The following CELF4 variants were observed in gnomAD, a reference collection of about 807,000 sequenced individuals.
The protein encoded by CELF4 is CUGBP Elav-like family member 4, also known as CUG-BP- and ETR-3-like factor 4.
A neutral mutation model predicts 59.9 loss-of-function variants in CELF4; 18 were observed. The ratio of observed to expected loss-of-function variants is 0.30; its 90% CI spans 0.21 to 0.45. The LOEUF is 0.45. Among genes scored for constraint, CELF4 ranks in the 20% least tolerant of loss-of-function variants. CELF4 has a pLI of 1.00. For missense variants in CELF4, 456 were observed against 689.0 expected (o/e 0.66, Z 3.79); for synonymous variants, 261 against 267.1 (o/e 0.98, Z 0.22).
At position 37,275,110 on chromosome 18, in the gene CELF4, C is replaced by T; in HGVS notation, c.577+5G>A. 1 of 1,612,612 alleles carries T rather than the reference C, an allele frequency of 6.2e-7. No individual in the cohort carries two copies. The highest frequency in any genetic ancestry group is 8.5e-7 in the Non-Finnish European group (1 of 1,179,556). Reference sequence around the variant, plus strand: ...GGGCATCCCTCCCGGCCCCGCCCCGCGCACCCTTGCTGTTGCCGTCGGGCC... The same window carrying T: ...GGGCATCCCTCCCGGCCCCGCCCCGTGCACCCTTGCTGTTGCCGTCGGGCC... On this transcript the variant is annotated splice_donor_5th_base_variant and intron_variant, in intron 4 of 12. Coordinates refer to ENST00000420428, the MANE Select transcript of CELF4 (RefSeq NM_020180.4).
chr18:37,546,183 T>A (rs2099981369), intron 1 of CELF4, among the ~76,000 whole-genome samples: 1 of 152,110 alleles, frequency 6.6e-6, no homozygotes, highest in South Asian at 2.1e-4. Flanking sequence ...GTACACACAA[T>A]CTGTCACTAA....
chr18:37,394,132 C>T (rs1464923255), intron 2 of CELF4, among the ~76,000 whole-genome samples: 2 of 152,088 alleles, frequency 1.3e-5, no homozygotes, highest in Non-Finnish European at 2.9e-5. Flanking sequence ...ACCGGCCCGA[C>T]GGGGGCGGGG....
At chr18:37,283,098 G>A (rs546433717) in intron 3 of CELF4, among the ~76,000 whole-genome samples, 6 of 152,102 alleles carry the variant, frequency 3.9e-5, no homozygotes, top group South Asian at 4.2e-4. Flanking sequence ...GGCTTCCTCC[G>A]GTCCTGGTGC....
chr18:37,400,166 T>C (rs2099308934), intron 2 of CELF4, among the ~76,000 whole-genome samples: 1 of 152,228 alleles, frequency 6.6e-6, no homozygotes, highest in Non-Finnish European at 1.5e-5. Flanking sequence ...TGAGGTTTCT[T>C]TGAGGAAGAA....
chr18:37,428,986 G>A (rs2099631585), intron 2 of CELF4, among the ~76,000 whole-genome samples: 1 of 152,202 alleles, frequency 6.6e-6, no homozygotes, highest in African/African-American at 2.4e-5. Flanking sequence ...CTAGAGTGGT[G>A]GTTCCCAATA....
In CELF4 at chr18:37,266,270, G is replaced by T. The variant is rs1220325183; in HGVS notation, c.1165+263C>A. ...AAGGGAAATCTGGCCTCAAAGACAG[G>T]TAACTGCCCAGCAAGGGTGAAACTT... On this transcript the variant is annotated intron_variant, in intron 9 of 12. Transcript: ENST00000420428. The T allele has an allele frequency of 5.2e-6, 3 of 576,996 alleles. No individual in the cohort carries two copies. The African/African-American group carries it at 5.6e-5, about 11-fold the overall frequency. The allele number at this position is 576,996 out of a possible 1,614,324, so 35.7% of individuals were successfully genotyped here. A position where few individuals can be genotyped will look rare whatever the true frequency, so the allele number is the denominator to read the frequency against.
At chr18:37,369,101 T>TG (rs2098826154) in intron 2 of CELF4, among the ~76,000 whole-genome samples, 1 of 152,174 alleles carries the variant, frequency 6.6e-6, no homozygotes, top group South Asian at 2.1e-4. Context: ...CCCAGGGAGA[T>TG]GGAAACCTCC....
intron 2 of CELF4, among the ~76,000 whole-genome samples, chr18:37,408,498 G>GC (rs57017369): frequency 5.4e-4 from 28 of 52,046 alleles, no homozygotes; most frequent in East Asian, 1.7e-3. Flanking sequence ...GTGCCGGGGG[G>GC]GGGCGCGGTG....
intron 7 of CELF4, among the ~76,000 whole-genome samples, chr18:37,272,572 G>GATA (rs1248401139): frequency 9.5e-6 from 1 of 104,950 alleles, no homozygotes; most frequent in African/African-American, 3.5e-5. Context: ...AAAGGGAAAT[G>GATA]AAAAAAAAAA....
At chr18:37,444,581 G>T (rs1275079093) in intron 2 of CELF4, among the ~76,000 whole-genome samples, 4 of 147,936 alleles carry the variant, frequency 2.7e-5, no homozygotes, top group Non-Finnish European at 6.0e-5. Context: ...CCTTCTCCAA[G>T]AGAAACATGC....
At chr18:37,322,586 A>T (rs2097161471) in intron 2 of CELF4, among the ~76,000 whole-genome samples, 1 of 151,774 alleles carries the variant, frequency 6.6e-6, no homozygotes, top group Admixed American at 6.6e-5. Flanking sequence ...CCTCTCGGGG[A>T]TCTGTGTCAA....
chr18:37,286,514 A>G (rs2094792899), intron 3 of CELF4, among the ~76,000 whole-genome samples: 1 of 152,146 alleles, frequency 6.6e-6, no homozygotes, highest in Non-Finnish European at 1.5e-5. Context: ...CCAGAGACAC[A>G]GTGAAAAACT....
At chr18:37,482,168 T>G (rs992726453) in intron 2 of CELF4, among the ~76,000 whole-genome samples, 50 of 152,208 alleles carry the variant, frequency 3.3e-4, no homozygotes, top group African/African-American at 1.2e-3. Context: ...GGGAGGTGGA[T>G]GTGTTTTTCT....
chr18:37,448,640 C>G (rs528243526), intron 2 of CELF4, among the ~76,000 whole-genome samples: 149 of 152,344 alleles, frequency 9.8e-4, no homozygotes, highest in African/African-American at 3.5e-3. Context: ...CGGGAACTGC[C>G]GTGAGCTGCT....
intron 1 of CELF4, among the ~76,000 whole-genome samples, chr18:37,565,020 C>G (rs1169668747): frequency 6.6e-6 from 1 of 151,968 alleles, no homozygotes; most frequent in Non-Finnish European, 1.5e-5. Context: ...CTGGGCTCGA[C>G]CGGTGCAGCC....
At chr18:37,260,581 G>A (rs765038301) in intron 10 of CELF4, among the ~76,000 whole-genome samples, 25 of 152,160 alleles carry the variant, frequency 1.6e-4, no homozygotes, top group Non-Finnish European at 2.9e-4. Flanking sequence ...TGGCTTTCAC[G>A]CCAGAGCCAA....
intron 2 of CELF4, among the ~76,000 whole-genome samples, chr18:37,388,698 C>T (rs963221323): frequency 6.6e-6 from 1 of 152,130 alleles, no homozygotes; most frequent in African/African-American, 2.4e-5. Context: ...GAGGGAGAAG[C>T]CAAAAAGTCC....
At chr18:37,314,431 G>A (rs1043660063) in intron 3 of CELF4, among the ~76,000 whole-genome samples, 1 of 152,058 alleles carries the variant, frequency 6.6e-6, no homozygotes, top group African/African-American at 2.4e-5. Context: ...CTCCAGCCTG[G>A]GTGACAGAGT....
At chr18:37,385,974 AGATTT>A (rs1433959775) in intron 2 of CELF4, among the ~76,000 whole-genome samples, 1 of 152,278 alleles carries the variant, frequency 6.6e-6, no homozygotes, top group Non-Finnish European at 1.5e-5. Flanking sequence ...TCAAAAGTTT[AGATTT>A]AAGAATTAAT....
Sources: allele counts gnomAD v4.1 joint callset (sites outside exome capture counted in the v4.1 genomes callset), GRCh38; gene constraint gnomAD v4.1.1; transcripts MANE v1.5; gene names NCBI Gene and HGNC (gene_info 2026-07-23, HGNC 2026-07-21).